Variants in SPATA7 observed in about 807,000 individuals in gnomAD.
SPATA7 encodes spermatogenesis associated 7, also known as spermatogenesis-associated protein 7.
In SPATA7, 43 loss-of-function variants were observed where a neutral mutation model predicts 51.8. The observed-to-expected ratio is 0.83, with a 90% CI of 0.65 to 1.07. The LOEUF is 1.07. Ranked by LOEUF, SPATA7 falls within the 50% of genes least tolerant of loss-of-function variation. The pLI is 0.00. For missense variants in SPATA7, 683 were observed against 701.3 expected, an observed-to-expected ratio of 0.97 and a Z score of 0.30; for synonymous variants, 230 against 252.8, an observed-to-expected ratio of 0.91 and a Z score of 0.86.
intron 3 of SPATA7, 153 bp downstream of exon 3, chr14:88,393,641 G>A (rs17124627): frequency 3.4e-6 from 2 of 591,316 alleles, no homozygotes; most frequent in Non-Finnish European, 5.9e-6. Flanking sequence ...TTGACTCTAG[G>A]TACTTAGCAA....
chr14:88,469,408 CAT>C lies in SPATA7; in HGVS notation c.255-437_255-436del. ...CAAGTCCGAAGCTTATATGAGATAA[CAT>C]AAAGGAAATATTTCGGAAACATAAA... On this transcript the variant is annotated intron_variant, in intron 4 of 4. Coordinates refer to the SPATA7 transcript ENST00000556406. This position sits in a 1 kb window ranked among gnomAD's most constrained non-coding sequence, Gnocchi z 4.3. 5.2e-6 allele frequency: 6 copies of C among 1,158,372 alleles called. No individual in the cohort carries two copies. The highest frequency in any genetic ancestry group is 7.5e-6 in the Non-Finnish European group (6 of 796,064). 71.8% of individuals were successfully genotyped at this position (1,158,372 alleles called of 1,614,324 possible).
intron 4 of SPATA7, among the ~76,000 whole-genome samples, chr14:88,397,270 C>A (rs770209121): frequency 2.0e-5 from 3 of 152,184 alleles, no homozygotes; most frequent in Non-Finnish European, 4.4e-5. Context: ...CCCATGTCCT[C>A]CCCAACACTT....
At chr14:88,470,202 C>T in exon 5 of SPATA7, 1 of 677,654 alleles carries the variant, frequency 1.5e-6, no homozygotes, top group Admixed American at 3.0e-5. Context: ...TAAGGAAAGA[C>T]TTTTCATCTT....
Position 88,427,692 on chromosome 14 carries a change from A to C in SPATA7, c.908A>C (p.Lys303Thr), listed in dbSNP as rs767675015. The C allele has an allele frequency of 1.2e-6, 2 of 1,606,138 alleles. No individual in the cohort carries two copies. The highest frequency in any genetic ancestry group is 8.5e-7 in the Non-Finnish European group (1 of 1,173,272). ...ATGACAGATTCAGAAATGAACATAAAGCAGGTAATAAGTATGAAATCTTTT... is the reference window on the plus strand; with the variant it reads ...ATGACAGATTCAGAAATGAACATAACGCAGGTAATAAGTATGAAATCTTTT... ...KNMTDSEMNI[K>T]QASNCVTYDA... The change falls in exon 7 of 12, where the codon AAG becomes ACG. Residue 303 changes from lysine (K) to threonine (T), a missense_variant. Lys to Thr is a moderately conservative substitution (Grantham distance 78). Transcript: ENST00000393545.
chr14:88,469,055 G>T lies in SPATA7; in HGVS notation c.255-792G>T, dbSNP rs2077412068. On this transcript the variant is annotated intron_variant, in intron 4 of 4. Transcript: ENST00000556406. This position sits in a 1 kb window ranked among gnomAD's most constrained non-coding sequence, Gnocchi z 4.3. ...TGTGCTATTTGTATGGCGTCGAACA[G>T]ACTGGATCTCTTCAAGATATGCTGT... The T allele has an allele frequency of 6.2e-7, 1 of 1,613,194 alleles. No individual in the cohort carries two copies. The highest frequency in any genetic ancestry group is 1.3e-5 in the African/African-American group (1 of 74,918).
At chr14:88,402,827 CT>C (rs2076097851) in intron 4 of SPATA7, among the ~76,000 whole-genome samples, 2 of 151,980 alleles carry the variant, frequency 1.3e-5, no homozygotes, top group Admixed American at 6.6e-5. Flanking sequence ...AACTCAAAAG[CT>C]TTTGTACAGC....
At chr14:88,465,565 A>G (rs1325051645) in intron 4 of SPATA7, among the ~76,000 whole-genome samples, 1 of 152,258 alleles carries the variant, frequency 6.6e-6, no homozygotes, top group Non-Finnish European at 1.5e-5. Flanking sequence ...AACTGATACC[A>G]GAGATACCAA....
In SPATA7 at chr14:88,469,950, G is replaced by C; in HGVS notation, c.*83G>C. On this transcript the variant is annotated 3_prime_UTR_variant, in exon 5 of 5. Coordinates refer to the SPATA7 transcript ENST00000556406. This position sits in a 1 kb window ranked among gnomAD's most constrained non-coding sequence, Gnocchi z 4.3. ...TTCTGCTGTCACCATTGCTATAATTGCAATTCCCTGTTCCCATACCATCTG... is the reference window on the plus strand; with the variant it reads ...TTCTGCTGTCACCATTGCTATAATTCCAATTCCCTGTTCCCATACCATCTG... 6.2e-7 allele frequency: 1 copy of C among 1,614,022 alleles called. No individual in the cohort carries two copies. The highest frequency in any genetic ancestry group is 8.5e-7 in the Non-Finnish European group (1 of 1,180,006).
chr14:88,415,721 A>G (rs2139957645), intron 4 of SPATA7, among the ~76,000 whole-genome samples: 1 of 152,088 alleles, frequency 6.6e-6, no homozygotes, highest in Admixed American at 6.5e-5. Flanking sequence ...GTGTTCTTTT[A>G]TGGTAGTGAG....
chr14:88,437,260 A>G (rs1410216016), intron 10 of SPATA7, among the ~76,000 whole-genome samples: 1 of 151,666 alleles, frequency 6.6e-6, no homozygotes, highest in Non-Finnish European at 1.5e-5. Flanking sequence ...GTGTTTGCAT[A>G]TGTCTGTGAG....
At chr14:88,396,123 C>T (rs1478079811) in intron 3 of SPATA7, 33 bp from the exon 4 acceptor site, 1 of 1,557,772 alleles carries the variant, frequency 6.4e-7, no homozygotes, top group Non-Finnish European at 8.8e-7. Context: ...TAAATACTGA[C>T]AATATTATTA....
intron 9 of SPATA7, chr14:88,432,878 T>A: frequency 2.7e-6 from 1 of 371,222 alleles, no homozygotes; most frequent in Non-Finnish European, 4.8e-6. Context: ...TAATTCTGCT[T>A]GTTTTTTACT....
rs1464131682 is a variant in SPATA7 at position 88,467,192 on chromosome 14, T to C, written c.255-2655T>C. 1.3e-5 allele frequency: 2 copies of C among 149,486 alleles called. 1 individual carries two copies. Among genetic ancestry groups the C allele is most frequent in the Non-Finnish European group, 3.0e-5 (2 of 67,558 alleles). The allele number at this position is 149,486 out of a possible 1,614,324, so 9.3% of individuals were successfully genotyped here. ...CATCTTACATACTCTTAGTCCTTAA[T>C]CTCTCCCAAAACGCTTCTCAGCGCC... On this transcript the variant is annotated intron_variant, in intron 4 of 4. Coordinates refer to the SPATA7 transcript ENST00000556406.
At chr14:88,398,931 A>G (rs1394312061) in intron 4 of SPATA7, among the ~76,000 whole-genome samples, 10 of 151,908 alleles carry the variant, frequency 6.6e-5, no homozygotes, top group Admixed American at 5.9e-4. Flanking sequence ...AGGCGCCTGT[A>G]GTCCCAGCTG....
chr14:88,431,061 C>T lies in SPATA7; in HGVS notation c.1029-111C>T. On this transcript the variant is annotated intron_variant, in intron 8 of 11. Coordinates refer to ENST00000393545, the MANE Select transcript of SPATA7 (RefSeq NM_018418.5). Reference sequence around the variant, plus strand: ...TCCAAATTCTGAAACACTTCTGGTTCCAAACATCTAAGATAAGGGCTATTC... The same window carrying T: ...TCCAAATTCTGAAACACTTCTGGTTTCAAACATCTAAGATAAGGGCTATTC... 3 of 996,068 alleles carry T rather than the reference C, an allele frequency of 3.0e-6. No individual in the cohort carries two copies. The South Asian group carries it at 3.9e-5, about 13-fold the overall frequency. 61.7% of individuals were successfully genotyped at this position (996,068 alleles called of 1,614,324 possible).
intron 3 of SPATA7, among the ~76,000 whole-genome samples, chr14:88,450,700 C>T (rs1413327391): frequency 6.6e-6 from 1 of 152,098 alleles, no homozygotes; most frequent in African/African-American, 2.4e-5. Flanking sequence ...TATAGGTTAC[C>T]TGATGCTTTT....
intron 3 of SPATA7, among the ~76,000 whole-genome samples, chr14:88,444,542 G>C (rs2077198731): frequency 6.6e-6 from 1 of 151,534 alleles, no homozygotes; most frequent in Non-Finnish European, 1.5e-5. Context: ...TGGTGTTTTA[G>C]ACATGAAGTC....
At chr14:88,427,851 A>G (rs975763920) in intron 7 of SPATA7, 155 bp downstream of exon 7, 3 of 632,724 alleles carry the variant, frequency 4.7e-6, no homozygotes, top group Non-Finnish European at 8.5e-6. Flanking sequence ...CTGCCTATTT[A>G]CAAATGGTTA....
intron 5 of SPATA7, among the ~76,000 whole-genome samples, chr14:88,423,245 A>G (rs17124648): frequency 0.035 from 5,356 of 152,024 alleles, 312 homozygotes; most frequent in African/African-American, 0.12. Flanking sequence ...TTCTGAATAA[A>G]TCTAGAAAAG....
Sources: gnomAD v4.1 joint callset for allele counts (sites outside exome capture counted in the v4.1 genomes callset) on GRCh38, gnomAD v4.1.1 for gene constraint, Gnocchi (gnomAD v3.1) non-coding constraint, MANE v1.5 for transcripts, NCBI Gene and HGNC (gene_info 2026-07-23, HGNC 2026-07-21) for gene names.